The following ANO2 variants were observed in gnomAD, a reference collection of about 807,000 sequenced individuals.
ANO2 encodes anoctamin 2.
In ANO2, 101 loss-of-function variants were observed where a neutral mutation model predicts 124.2. The ratio of observed to expected loss-of-function variants is 0.81; its 90% CI spans 0.69 to 0.96. The LOEUF is 0.96. Ranked by LOEUF, ANO2 falls within the 40% of genes least tolerant of loss-of-function variation. The pLI, the probability that ANO2 is intolerant of heterozygous loss-of-function variation, is 0.00. For synonymous variants in ANO2, 486 were observed against 482.5 expected (o/e 1.01, Z -0.09); for missense variants, 1,293 against 1,274.5 (o/e 1.01, Z -0.22).
chr12:5,654,575 G>A (rs1947068326), intron 14 of ANO2, among the ~76,000 whole-genome samples: 1 of 152,050 alleles, frequency 6.6e-6, no homozygotes, highest in Admixed American at 6.6e-5. Flanking sequence ...CAGCCATAAG[G>A]ACTTGTACTT....
chr12:5,756,517 T>C (rs2137100269), intron 10 of ANO2, among the ~76,000 whole-genome samples: 1 of 152,340 alleles, frequency 6.6e-6, no homozygotes, highest in East Asian at 1.9e-4. Flanking sequence ...AAGACCTTCA[T>C]CAGTCATGCT....
intron 10 of ANO2, among the ~76,000 whole-genome samples, chr12:5,778,800 A>G (rs1391468609): frequency 2.0e-5 from 3 of 152,246 alleles, no homozygotes; most frequent in Admixed American, 6.5e-5. Flanking sequence ...TTTTGAGTCC[A>G]GAGCAGTCCA....
chr12:5,914,520 C>A (rs7306590), intron 3 of ANO2, among the ~76,000 whole-genome samples: 16 of 152,218 alleles, frequency 1.1e-4, no homozygotes, highest in South Asian at 4.2e-4. Context: ...TGTGGGCCCC[C>A]AGACTTCCCT....
At chr12:5,660,848 G>A (rs531914287) in intron 14 of ANO2, among the ~76,000 whole-genome samples, 8 of 152,224 alleles carry the variant, frequency 5.3e-5, no homozygotes, top group Non-Finnish European at 7.4e-5. Context: ...GTATTCAGTC[G>A]CTGTGTTGGT....
chr12:5,923,623 C>T (rs1941942084), intron 1 of ANO2, among the ~76,000 whole-genome samples: 1 of 152,208 alleles, frequency 6.6e-6, no homozygotes, highest in Non-Finnish European at 1.5e-5. Flanking sequence ...AGGTCTGCAG[C>T]CCCTTCTCGG....
chr12:5,618,540 G>A (rs1218993123), intron 16 of ANO2, among the ~76,000 whole-genome samples: 1 of 152,204 alleles, frequency 6.6e-6, no homozygotes, highest in African/African-American at 2.4e-5. Context: ...CAGCAGATAA[G>A]TGACAGGTGT....
chr12:5,655,282 G>A (rs928222818), intron 14 of ANO2, among the ~76,000 whole-genome samples: 25 of 152,000 alleles, frequency 1.6e-4, no homozygotes, highest in Admixed American at 1.3e-4. Flanking sequence ...CAGTCTTTCC[G>A]CCTTTCCTTT....
chr12:5,723,321 G>A (rs1021795968), intron 14 of ANO2, among the ~76,000 whole-genome samples: 6 of 152,196 alleles, frequency 3.9e-5, no homozygotes, highest in Non-Finnish European at 8.8e-5. Flanking sequence ...GCTAGGCAAG[G>A]ACTGTATTTC....
chr12:5,826,812 A>T (rs1286625144), intron 7 of ANO2, among the ~76,000 whole-genome samples: 1 of 152,172 alleles, frequency 6.6e-6, no homozygotes, highest in Non-Finnish European at 1.5e-5. Context: ...GCTAGCTAAC[A>T]TCATCATTAT....
intron 10 of ANO2, among the ~76,000 whole-genome samples, chr12:5,796,324 ACT>A (rs1266499899): frequency 6.7e-6 from 1 of 150,018 alleles, no homozygotes; most frequent in African/African-American, 2.5e-5. Flanking sequence ...CCCTGCTCAC[ACT>A]CACACACTCA....
intron 11 of ANO2, among the ~76,000 whole-genome samples, chr12:5,747,740 G>A (rs1314407765): frequency 1.3e-5 from 2 of 152,058 alleles, no homozygotes; most frequent in South Asian, 2.1e-4. Flanking sequence ...TTCTTATAAT[G>A]AATACTAATA....
At chr12:5,565,134 A>G (rs1451056093) in intron 24 of ANO2, among the ~76,000 whole-genome samples, 1 of 152,090 alleles carries the variant, frequency 6.6e-6, no homozygotes, top group African/African-American at 2.4e-5. Flanking sequence ...CAACACTAAC[A>G]AAGGAGGGAG....
chr12:5,919,705 TTTTC>T (rs1941584625), intron 3 of ANO2, among the ~76,000 whole-genome samples: 1 of 149,994 alleles, frequency 6.7e-6, no homozygotes, highest in Admixed American at 6.6e-5. Flanking sequence ...GGTCATTTTT[TTTTC>T]TTTTTTGAGA....
At chr12:5,927,475 A>G (rs1464134075) in intron 1 of ANO2, among the ~76,000 whole-genome samples, 2 of 152,230 alleles carry the variant, frequency 1.3e-5, no homozygotes, top group African/African-American at 4.8e-5. Context: ...GCCTGTTTTC[A>G]GAGTCTCCCC....
chr12:5,670,241 G>C (rs559206059), intron 14 of ANO2, among the ~76,000 whole-genome samples: 55 of 152,268 alleles, frequency 3.6e-4, no homozygotes, highest in Middle Eastern at 6.8e-3. Flanking sequence ...TGTTACAGTA[G>C]GTAATAATTA....
intron 14 of ANO2, among the ~76,000 whole-genome samples, chr12:5,731,362 T>TAAA (rs34286445): frequency 1.4e-5 from 2 of 147,282 alleles, no homozygotes; most frequent in African/African-American, 5.0e-5. Flanking sequence ...TCTGTTTTCT[T>TAAA]AAAAAAAAAA....
chr12:5,678,383 C>T (rs1218650825), intron 14 of ANO2, among the ~76,000 whole-genome samples: 2 of 152,230 alleles, frequency 1.3e-5, no homozygotes, highest in Non-Finnish European at 2.9e-5. Context: ...CCTGCCCACA[C>T]TTGAGCCGAG....
At chr12:5,748,344 G>A (rs1951331709) in intron 11 of ANO2, among the ~76,000 whole-genome samples, 1 of 152,210 alleles carries the variant, frequency 6.6e-6, no homozygotes, top group African/African-American at 2.4e-5. Context: ...CAGATGTCTA[G>A]GGATCACAAC....
At chr12:5,619,260 T>C (rs897515264) in intron 16 of ANO2, among the ~76,000 whole-genome samples, 2 of 152,230 alleles carry the variant, frequency 1.3e-5, no homozygotes, top group African/African-American at 4.8e-5. Flanking sequence ...TTGCCGAGCA[T>C]CTTCAACCGC....
Sources: allele counts gnomAD v4.1 joint callset (sites outside exome capture counted in the v4.1 genomes callset), GRCh38; gene constraint gnomAD v4.1.1; transcripts MANE v1.5; gene names NCBI Gene and HGNC (gene_info 2026-07-23, HGNC 2026-07-21).